The following SNTB2 variants were observed in gnomAD, a reference collection of about 807,000 sequenced individuals.
The protein encoded by SNTB2 is beta-2-syntrophin.
In SNTB2, 34 loss-of-function variants were observed where a neutral mutation model predicts 46.2. That is an observed-to-expected ratio of 0.74 (90% confidence interval 0.56 to 0.98). The LOEUF is 0.98. Ranked by LOEUF, SNTB2 falls within the 50% of genes least tolerant of loss-of-function variation. The probability of loss-of-function intolerance (pLI) is 0.00; values close to 1 mark genes in which losing one functional copy is unlikely to be tolerated. For missense variants in SNTB2, 603 were observed against 731.4 expected (o/e 0.82, Z 2.02); for synonymous variants, 290 against 312.6 (o/e 0.93, Z 0.76).
chr16:69,278,227 G>T (rs1162819051), intron 4 of SNTB2, among the ~76,000 whole-genome samples: 1 of 152,094 alleles, frequency 6.6e-6, no homozygotes, highest in Non-Finnish European at 1.5e-5. Context: ...GAGATGGGAG[G>T]ATTGTTTGAG....
intron 1 of SNTB2, among the ~76,000 whole-genome samples, chr16:69,238,499 C>T (rs1964579520): frequency 6.6e-6 from 1 of 152,178 alleles, no homozygotes; most frequent in Admixed American, 6.5e-5. Context: ...GTGATCTTAT[C>T]CAGTTTCATG....
Position 69,245,748 on chromosome 16 carries a change from A to G in SNTB2, c.727A>G (p.Arg243Gly). ...SPKHQNSTKD[R>G]KIIPLKMCFA... ...AAAACACCAGAACAGCACCAAGGAC[A>G]GGAAGATCATCCCTCTCAAAATGTG... is the stretch of plus-strand genomic sequence containing the variant. Residue 243 changes from arginine (R) to glycine (G), a missense_variant, in exon 2 of 7, where the codon AGG becomes GGG. Coordinates refer to ENST00000336278, the MANE Select transcript of SNTB2 (RefSeq NM_006750.4). 1 of 1,614,184 alleles carries G rather than the reference A, an allele frequency of 6.2e-7. No homozygotes were observed. Among genetic ancestry groups the G allele is most frequent in the Non-Finnish European group, 8.5e-7 (1 of 1,180,024 alleles).
rs1295138476 is a variant in SNTB2, at chr16:69,292,376, ATATT to A, written c.1346-7213_1346-7210del. ...TTTTTATATATATATATATATATAT[ATATT>A]ATATATATATTATATATATATATAT... On this transcript the variant is annotated intron_variant, in intron 5 of 6. Coordinates refer to ENST00000336278, the MANE Select transcript of SNTB2 (RefSeq NM_006750.4). 4.8e-4 allele frequency among the ~76,000 whole-genome samples: 19 copies of A among 39,606 alleles called. 2 individuals are homozygous for A. The highest frequency in any genetic ancestry group is 2.2e-3 in the African/African-American group (19 of 8,738). The allele number at this position is 39,606 out of a possible 152,430, so 26.0% of individuals were successfully genotyped here.
intron 5 of SNTB2, among the ~76,000 whole-genome samples, chr16:69,292,998 C>T (rs1224394815): frequency 6.6e-6 from 1 of 151,980 alleles, no homozygotes; most frequent in African/African-American, 2.4e-5. Flanking sequence ...GGGATGGTAA[C>T]AGCCATGGAA....
At chr16:69,229,633 A>T (rs1417515555) in intron 1 of SNTB2, among the ~76,000 whole-genome samples, 3 of 150,712 alleles carry the variant, frequency 2.0e-5, no homozygotes, top group African/African-American at 7.3e-5. Flanking sequence ...AGGTCAAGAG[A>T]TTGAGACCAT....
intron 2 of SNTB2, among the ~76,000 whole-genome samples, chr16:69,247,139 T>G (rs1964678387): frequency 2.6e-5 from 4 of 151,724 alleles, no homozygotes; most frequent in Non-Finnish European, 5.9e-5. Flanking sequence ...TTCCTTATAC[T>G]GTAGGTAGTA....
At chr16:69,293,589 T>C (rs759491250) in intron 5 of SNTB2, among the ~76,000 whole-genome samples, 41 of 152,004 alleles carry the variant, frequency 2.7e-4, no homozygotes, top group Admixed American at 1.7e-3. Context: ...TCAAGAAGTT[T>C]TGATATGAAG....
intron 1 of SNTB2, among the ~76,000 whole-genome samples, chr16:69,224,685 G>T (rs1414930693): frequency 6.6e-6 from 1 of 152,076 alleles, no homozygotes; most frequent in African/African-American, 2.4e-5. Context: ...TTACTAATGA[G>T]AATTCTTCTG....
At chr16:69,267,574 T>C (rs555513985) in intron 3 of SNTB2, among the ~76,000 whole-genome samples, 44 of 152,230 alleles carry the variant, frequency 2.9e-4, no homozygotes, top group Non-Finnish European at 4.6e-4. Context: ...TGATAAGAAA[T>C]GCATAATTCT....
chr16:69,278,155 CAA>C (rs1316045284), intron 4 of SNTB2, among the ~76,000 whole-genome samples: 1 of 151,990 alleles, frequency 6.6e-6, no homozygotes. Context: ...CATCTCTACA[CAA>C]AATATAAAAA....
chr16:69,226,223 C>A (rs566404121), intron 1 of SNTB2, among the ~76,000 whole-genome samples: 1 of 152,164 alleles, frequency 6.6e-6, no homozygotes, highest in East Asian at 1.9e-4. Context: ...AGGCACCCGC[C>A]ATCATGACCA....
intron 3 of SNTB2, among the ~76,000 whole-genome samples, chr16:69,267,035 T>C (rs1317698311): frequency 2.0e-5 from 3 of 152,006 alleles, no homozygotes; most frequent in Non-Finnish European, 4.4e-5. Flanking sequence ...TTTATCTTTT[T>C]TTTTTTTTTT....
At chr16:69,272,063 G>T (rs1964942579) in intron 4 of SNTB2, among the ~76,000 whole-genome samples, 1 of 152,148 alleles carries the variant, frequency 6.6e-6, no homozygotes, top group South Asian at 2.1e-4. Context: ...GGGTTAGGCA[G>T]AGTCTTCTCA....
chr16:69,260,156 G>A lies in SNTB2; in HGVS notation c.901G>A (p.Ala301Thr). The A allele has an allele frequency of 6.2e-7, 1 of 1,613,962 alleles. No homozygotes were observed. Among genetic ancestry groups the A allele is most frequent in the Non-Finnish European group, 8.5e-7 (1 of 1,180,024 alleles). The change falls in exon 3 of 7, where the codon GCT becomes ACT. Residue 301 changes from alanine (A) to threonine (T), a missense_variant. Physicochemically the swap from Ala to Thr is moderately conservative, Grantham distance 58. This residue lies in a region of SNTB2 where 537 missense variants were observed against 692.4 expected (regional missense o/e 0.78). Coordinates refer to ENST00000336278, the MANE Select transcript of SNTB2 (RefSeq NM_006750.4). Reference sequence around the variant, plus strand: ...CGTAGCTATCCACACCAACATAATGGCTCTCCTCCCACAGGTGTTGGCTGA... The same window carrying A: ...CGTAGCTATCCACACCAACATAATGACTCTCCTCCCACAGGTGTTGGCTGA... ...WFVAIHTNIM[A>T]LLPQVLAELN...
intron 1 of SNTB2, among the ~76,000 whole-genome samples, chr16:69,206,081 C>T (rs1964213422): frequency 6.6e-6 from 1 of 152,186 alleles, no homozygotes; most frequent in Non-Finnish European, 1.5e-5. Flanking sequence ...ACAGCATCCT[C>T]TAACTCCTGG....
chr16:69,269,525 A>T (rs1964918598), intron 3 of SNTB2, among the ~76,000 whole-genome samples: 1 of 152,206 alleles, frequency 6.6e-6, no homozygotes, highest in South Asian at 2.1e-4. Flanking sequence ...GAAAAAAAAA[A>T]AGATAGATGT....
rs749977736 is a variant in SNTB2 at position 69,299,684 on chromosome 16, G to A, written c.1440G>A (p.Leu480=). The A allele has an allele frequency of 1.1e-5, 17 of 1,614,142 alleles. No homozygotes were observed. The South Asian group carries it at 1.8e-4, about 17-fold the overall frequency. The part of the protein sequence containing the change: ...SRENGGSSSI[L]YRYPFERLKM... ...AAAATGGAGGCTCCAGCAGCATATTGTACCGCTACCCCTTTGAAAGGCTGA... is the reference window on the plus strand; with the variant it reads ...AAAATGGAGGCTCCAGCAGCATATTATACCGCTACCCCTTTGAAAGGCTGA... The change falls in exon 6 of 7, where the codon TTG becomes TTA. Residue 480 remains leucine (L), a synonymous_variant. Coordinates refer to ENST00000336278, the MANE Select transcript of SNTB2 (RefSeq NM_006750.4).
intron 1 of SNTB2, among the ~76,000 whole-genome samples, chr16:69,195,963 G>A (rs1325418588): frequency 2.0e-5 from 3 of 152,082 alleles, no homozygotes; most frequent in Non-Finnish European, 4.4e-5. Flanking sequence ...AATTTTGGCC[G>A]GGCATGTTGG....
intron 5 of SNTB2, among the ~76,000 whole-genome samples, chr16:69,285,476 T>C (rs1775956812): frequency 1.4e-5 from 2 of 147,360 alleles, no homozygotes; most frequent in Non-Finnish European, 3.0e-5. Flanking sequence ...TATTTATTTA[T>C]TTATTTATTT....
Sources: gnomAD v4.1 joint callset for allele counts (sites outside exome capture counted in the v4.1 genomes callset) on GRCh38, gnomAD v4.1.1 for gene constraint, gnomAD v4.1.1 regional missense constraint, MANE v1.5 for transcripts, NCBI Gene and HGNC (gene_info 2026-07-23, HGNC 2026-07-21) for gene names.